SKP1: variants seen among roughly 807,000 people sequenced by gnomAD.
SKP1 encodes S-phase kinase associated protein 1, also known as S-phase kinase-associated protein 1.
SKP1 carries 1 observed loss-of-function variant against 21.5 expected under a neutral mutation model. The ratio of observed to expected loss-of-function variants is 0.05; its 90% CI spans 0.02 to 0.22. The LOEUF is 0.22. Among genes scored for constraint, SKP1 ranks in the 10% least tolerant of loss-of-function variants. SKP1 has a pLI of 1.00. For missense variants in SKP1, 70 were observed against 192.0 expected (o/e 0.36, Z 3.76); for synonymous variants, 59 against 59.3 (o/e 0.99, Z 0.03).
At chr5:134,164,095 C>T (rs560633179) in intron 3 of SKP1, among the ~76,000 whole-genome samples, 3 of 152,102 alleles carry the variant, frequency 2.0e-5, no homozygotes, top group Non-Finnish European at 2.9e-5. Flanking sequence ...CTGAGGCAGG[C>T]GGATCACCTG....
At chr5:134,159,809 A>G (rs1323808641) in intron 4 of SKP1, among the ~76,000 whole-genome samples, 1 of 151,896 alleles carries the variant, frequency 6.6e-6, no homozygotes, top group African/African-American at 2.4e-5. Flanking sequence ...GGCCTCCCAA[A>G]GTGCTGGGAT....
At chr5:134,163,212 C>CAAAAA (rs747546593) in intron 3 of SKP1, among the ~76,000 whole-genome samples, 6,267 of 69,974 alleles carry the variant, frequency 0.09, 713 homozygotes, top group Middle Eastern at 0.16. Flanking sequence ...GCGATTCTGT[C>CAAAAA]AAAAAAAAAA....
Position 134,157,538 on chromosome 5 carries a change from T to A in SKP1, c.*195A>T, listed in dbSNP as rs1580923857. ...CAAAGAAAAAAGAAACTTTCCATCA[T>A]ACTAGAAGAAACTTGGCCGTAAGGT... is the stretch of plus-strand genomic sequence containing the variant. On this transcript the variant is annotated 3_prime_UTR_variant, in exon 6 of 6. Coordinates refer to ENST00000353411, the MANE Select transcript of SKP1 (RefSeq NM_170679.3). 5.2e-6 allele frequency: 3 copies of A among 572,678 alleles called. No individual in the cohort carries two copies. The highest frequency in any genetic ancestry group is 9.4e-6 in the Non-Finnish European group (3 of 319,172). 35.5% of individuals were successfully genotyped at this position (572,678 alleles called of 1,614,324 possible). A position where few individuals can be genotyped will look rare whatever the true frequency, so the allele number is the denominator to read the frequency against.
At position 134,151,674 on chromosome 5, in the gene SKP1, A is replaced by G. The variant is rs771236280; in HGVS notation, c.*6059T>C. 4.8e-5 allele frequency: 22 copies of G among 456,158 alleles called. No homozygotes were observed. Among genetic ancestry groups the G allele is most frequent in the Non-Finnish European group, 8.4e-5 (19 of 226,950 alleles). 28.3% of individuals were successfully genotyped at this position (456,158 alleles called of 1,614,324 possible). ...CTTCCAGAAAATTTAAAGTTGACAG[A>G]TATCAGAAGGTCGCAAGAACTACAG... On this transcript the variant is annotated 3_prime_UTR_variant, in exon 6 of 6. Coordinates refer to ENST00000353411, the MANE Select transcript of SKP1 (RefSeq NM_170679.3).
chr5:134,169,597 G>A (rs528159542), intron 2 of SKP1, among the ~76,000 whole-genome samples: 1 of 152,356 alleles, frequency 6.6e-6, no homozygotes, highest in African/African-American at 2.4e-5. Flanking sequence ...GGGTGCAGTG[G>A]CTCACGCATG....
intron 3 of SKP1, among the ~76,000 whole-genome samples, chr5:134,163,569 C>T (rs188074222): frequency 8.0e-4 from 122 of 151,978 alleles, no homozygotes; most frequent in Non-Finnish European, 1.3e-3. Context: ...GGAGACAGAT[C>T]GCTTGAGCCC....
At chr5:134,160,485 T>C (rs1231606725) in intron 4 of SKP1, among the ~76,000 whole-genome samples, 2 of 152,180 alleles carry the variant, frequency 1.3e-5, no homozygotes, top group Non-Finnish European at 2.9e-5. Flanking sequence ...TCTCTATGAT[T>C]GTCACTTTGT....
intron 3 of SKP1, among the ~76,000 whole-genome samples, chr5:134,163,620 T>C (rs1372684627): frequency 1.3e-5 from 2 of 151,882 alleles, no homozygotes; most frequent in Non-Finnish European, 2.9e-5. Context: ...TGAAACTCCA[T>C]CTCTACAAAA....
chr5:134,171,547 A>T (rs1170315277), intron 2 of SKP1, among the ~76,000 whole-genome samples: 1 of 152,204 alleles, frequency 6.6e-6, no homozygotes, highest in East Asian at 1.9e-4. Context: ...CTACTAGTAG[A>T]TCTTCTGAAG....
chr5:134,160,383 T>C (rs767743823), intron 4 of SKP1, among the ~76,000 whole-genome samples: 1 of 151,736 alleles, frequency 6.6e-6, no homozygotes, highest in Non-Finnish European at 1.5e-5. Context: ...TATAATATTT[T>C]ATAAATATCC....
Position 134,152,256 on chromosome 5 carries a change from T to C in SKP1, c.*5477A>G, listed in dbSNP as rs778274386. The C allele has an allele frequency of 5.3e-5, 8 of 152,372 alleles. No individual in the cohort carries two copies. The highest frequency in any genetic ancestry group is 1.2e-4 in the Non-Finnish European group (8 of 68,096). 9.4% of individuals were successfully genotyped at this position (152,372 alleles called of 1,614,324 possible). A position where few individuals can be genotyped will look rare whatever the true frequency, so the allele number is the denominator to read the frequency against. ...CAAAAATTGCCCTGCCTAATGTGGGTCTGATGAATAAATGCTGATAAAATA... is the reference window on the plus strand; with the variant it reads ...CAAAAATTGCCCTGCCTAATGTGGGCCTGATGAATAAATGCTGATAAAATA... On this transcript the variant is annotated 3_prime_UTR_variant, in exon 6 of 6. Transcript: ENST00000353411.
At chr5:134,174,846 C>T (rs1207424775) in intron 1 of SKP1, 1 of 145,076 alleles carries the variant, frequency 6.9e-6, no homozygotes, top group Non-Finnish European at 1.5e-5. Flanking sequence ...AAAAGTCCAA[C>T]AATTTCTTAC....
At chr5:134,160,894 T>A (rs940985522) in intron 4 of SKP1, 93 bp downstream of exon 4, 4 of 807,996 alleles carry the variant, frequency 5.0e-6, no homozygotes, top group Admixed American at 5.4e-5. Context: ...TAGAGAGTAT[T>A]AAAATTCAGT....
intron 2 of SKP1, 129 bp downstream of exon 2, chr5:134,173,797 A>G (rs1304373149): frequency 2.8e-6 from 2 of 718,794 alleles, no homozygotes; most frequent in Non-Finnish European, 5.2e-6. Context: ...TTATAAAGAA[A>G]AAAATGTAAA....
chr5:134,165,483 G>A (rs1002527468), intron 3 of SKP1, among the ~76,000 whole-genome samples: 10 of 151,558 alleles, frequency 6.6e-5, no homozygotes, highest in African/African-American at 1.9e-4. Context: ...CCAGCTACTC[G>A]AGAGGATGAG....
intron 3 of SKP1, 89 bp downstream of exon 3, chr5:134,167,081 A>G (rs1761346320): frequency 1.5e-6 from 1 of 665,016 alleles, no homozygotes; most frequent in Middle Eastern, 4.1e-4. Context: ...TAAATTATAA[A>G]ATTCTAACAT....
At chr5:134,166,931 A>G (rs1026993590) in intron 3 of SKP1, among the ~76,000 whole-genome samples, 6 of 152,242 alleles carry the variant, frequency 3.9e-5, no homozygotes, top group Non-Finnish European at 8.8e-5. Context: ...AGGTAGACAC[A>G]GTACAGATGC....
chr5:134,170,178 T>A (rs1051048650), intron 2 of SKP1, among the ~76,000 whole-genome samples: 1 of 151,932 alleles, frequency 6.6e-6, no homozygotes, highest in African/African-American at 2.4e-5. Context: ...CTCAAAAAAA[T>A]AAAATAAAAT....
At chr5:134,160,481 T>C (rs1304316327) in intron 4 of SKP1, among the ~76,000 whole-genome samples, 1 of 152,198 alleles carries the variant, frequency 6.6e-6, no homozygotes, top group Non-Finnish European at 1.5e-5. Flanking sequence ...GAAATCTCTA[T>C]GATTGTCACT....
Sources: allele counts gnomAD v4.1 joint callset (sites outside exome capture counted in the v4.1 genomes callset), GRCh38; gene constraint gnomAD v4.1.1; transcripts MANE v1.5; gene names NCBI Gene and HGNC (gene_info 2026-07-23, HGNC 2026-07-21).